The following DNAJC13 variants were observed in gnomAD, a reference collection of about 807,000 sequenced individuals.
DNAJC13 encodes dnaJ homolog subfamily C member 13.
Under a neutral mutation model 290.5 loss-of-function variants are expected in DNAJC13, and 75 were observed. That is an observed-to-expected ratio of 0.26 (90% CI 0.21 to 0.31). The LOEUF (loss-of-function observed/expected upper bound fraction) is 0.31. Among genes scored for constraint, DNAJC13 ranks in the 10% least tolerant of loss-of-function variants. The pLI, the probability that DNAJC13 is intolerant of heterozygous loss-of-function variation, is 1.00. For synonymous variants in DNAJC13, 862 were observed against 892.0 expected (o/e 0.97, Z 0.60); for missense variants, 2,260 against 2,674.5 (o/e 0.85, Z 3.42).
intron 30 of DNAJC13, among the ~76,000 whole-genome samples, chr3:132,488,708 G>A (rs1247178730): frequency 2.0e-5 from 3 of 151,870 alleles, no homozygotes; most frequent in Admixed American, 6.6e-5. Flanking sequence ...TATTCATATT[G>A]TACATGCAGT....
intron 48 of DNAJC13, among the ~76,000 whole-genome samples, chr3:132,519,295 T>G (rs1328075228): frequency 6.6e-6 from 1 of 152,226 alleles, no homozygotes; most frequent in East Asian, 1.9e-4. Flanking sequence ...TTGTTATATC[T>G]TTTATTACAA....
At chr3:132,536,125 ATAATT>A (rs1936583357) in intron 55 of DNAJC13, among the ~76,000 whole-genome samples, 1 of 152,210 alleles carries the variant, frequency 6.6e-6, no homozygotes, top group African/African-American at 2.4e-5. Context: ...GAAATACCTA[ATAATT>A]TAGTTTATGA....
In DNAJC13 at chr3:132,463,709, A is replaced by G. The variant is rs760606308; in HGVS notation, c.1784A>G (p.Glu595Gly). The stretch of plus-strand genomic sequence containing the variant: ...CTTTTTCCAAAGGAAGGTGATAAAG[A>G]AATTGCTACAAAAATGCAGGAGCTT... ...MKAIIEEGDK[E>G]IATKMQELAL... The change falls in exon 17 of 56, where the codon GAA (glutamate) becomes GGA (glycine). Residue 595 changes from glutamate to glycine, a missense_variant. By Grantham distance (98) the Glu-to-Gly change is moderately conservative. This residue lies in a region of DNAJC13 where 762 missense variants were observed against 964.1 expected (regional missense o/e 0.79). Coordinates refer to ENST00000260818, the MANE Select transcript of DNAJC13 (RefSeq NM_015268.4). 2.0e-5 allele frequency: 33 copies of G among 1,613,028 alleles called. No individual in the cohort carries two copies. In the South Asian group the frequency reaches 3.4e-4, roughly 17 times the overall value.
chr3:132,526,571 G>A (rs1039536912), intron 53 of DNAJC13, among the ~76,000 whole-genome samples: 1 of 152,176 alleles, frequency 6.6e-6, no homozygotes, highest in African/African-American at 2.4e-5. Flanking sequence ...CTTTTATGGT[G>A]TATAAAATTT....
At chr3:132,446,005 A>C (rs998806288) in intron 2 of DNAJC13, among the ~76,000 whole-genome samples, 6 of 152,108 alleles carry the variant, frequency 3.9e-5, no homozygotes, top group African/African-American at 1.2e-4. Flanking sequence ...GTAGTTGCTT[A>C]AGTAGAAACT....
chr3:132,503,135 A>G (rs1194375476), intron 40 of DNAJC13, 79 bp from the exon 41 acceptor site: 2 of 1,438,576 alleles, frequency 1.4e-6, no homozygotes, highest in East Asian at 2.4e-5. Flanking sequence ...TGTTCCATAT[A>G]GTGTGATTCT....
intron 1 of DNAJC13, among the ~76,000 whole-genome samples, chr3:132,419,076 T>G (rs1051973724): frequency 6.6e-6 from 1 of 152,248 alleles, no homozygotes; most frequent in African/African-American, 2.4e-5. Context: ...TATCTCAGAC[T>G]TGGCTTGTGC....
At chr3:132,427,073 A>ATGTG in intron 1 of DNAJC13, among the ~76,000 whole-genome samples, 1 of 114,652 alleles carries the variant, frequency 8.7e-6, no homozygotes, top group East Asian at 2.2e-4. Flanking sequence ...TTATATATAC[A>ATGTG]TATGTGTGTG....
intron 20 of DNAJC13, among the ~76,000 whole-genome samples, chr3:132,467,653 G>C (rs539496421): frequency 1.3e-5 from 2 of 152,170 alleles, no homozygotes; most frequent in South Asian, 4.1e-4. Context: ...TTTTAGTAGA[G>C]ATGGGGTTTC....
intron 55 of DNAJC13, among the ~76,000 whole-genome samples, chr3:132,531,721 C>T (rs1053329974): frequency 2.0e-5 from 3 of 151,538 alleles, no homozygotes; most frequent in Non-Finnish European, 4.4e-5. Flanking sequence ...GGTGGGAACC[C>T]GGGAGGCAGA....
chr3:132,440,494 C>T (rs1339067279), intron 2 of DNAJC13, among the ~76,000 whole-genome samples: 2 of 152,222 alleles, frequency 1.3e-5, no homozygotes, highest in African/African-American at 2.4e-5. Context: ...TCATGTACTA[C>T]ATAACATTTC....
intron 9 of DNAJC13, among the ~76,000 whole-genome samples, chr3:132,455,195 T>C (rs1333346634): frequency 6.6e-6 from 1 of 151,810 alleles, no homozygotes; most frequent in Non-Finnish European, 1.5e-5. Flanking sequence ...AGCGACCCAA[T>C]AGTAAATGGG....
At chr3:132,489,077 T>C in intron 31 of DNAJC13, 56 bp downstream of exon 31, 1 of 1,408,766 alleles carries the variant, frequency 7.1e-7, no homozygotes, top group East Asian at 2.3e-5. Context: ...TTTGGCACTA[T>C]AAAGTTTCCT....
intron 2 of DNAJC13, among the ~76,000 whole-genome samples, chr3:132,435,491 C>A (rs543064647): frequency 2.0e-5 from 3 of 152,290 alleles, no homozygotes; most frequent in African/African-American, 7.2e-5. Context: ...TACATCTGAG[C>A]TGTCTAGTAT....
At position 132,471,370 on chromosome 3, in the gene DNAJC13, G is replaced by A. The variant is rs545016822; in HGVS notation, c.2209-1775G>A. On this transcript the variant is annotated intron_variant, in intron 20 of 55. Transcript: ENST00000260818. ...ACCCCCCCCCACCTCCCTCCCGGAC[G>A]GGGTGGCTGCCGGGCGGAGATGCTC... Among the ~76,000 whole-genome samples, 836 of 147,296 alleles carry A rather than the reference G, an allele frequency of 5.7e-3. 22 individuals carry two copies. Among genetic ancestry groups the A allele is most frequent in the Middle Eastern group, 0.021 (6 of 284 alleles).
Position 132,479,259 on chromosome 3 carries a change from T to C in DNAJC13, c.2742T>C (p.Ile914=). The change falls in exon 25 of 56, where the codon ATT becomes ATC. Residue 914 remains isoleucine (I), a synonymous_variant. Coordinates refer to ENST00000260818, the MANE Select transcript of DNAJC13 (RefSeq NM_015268.4). ...CTDKLERDRL[I]LFLNKLILNK... is the part of the protein sequence containing the mutation. The stretch of plus-strand genomic sequence containing the variant: ...ATAAACTTGAACGAGATAGGTTGAT[T>C]CTCTTCCTTAACAAGTTGATCCTTA... 1 of 1,609,006 alleles carries C rather than the reference T, an allele frequency of 6.2e-7. No homozygotes were observed. Among genetic ancestry groups the C allele is most frequent in the East Asian group, 2.2e-5 (1 of 44,674 alleles).
chr3:132,477,417 A>G (rs1035530919), intron 22 of DNAJC13, among the ~76,000 whole-genome samples: 2 of 152,206 alleles, frequency 1.3e-5, no homozygotes, highest in African/African-American at 4.8e-5. Context: ...CTGGCACATC[A>G]CCAGGGATAG....
At chr3:132,456,429 T>G (rs765162128) in intron 10 of DNAJC13, 28 bp downstream of exon 10, 2 of 1,610,982 alleles carry the variant, frequency 1.2e-6, no homozygotes, top group Non-Finnish European at 8.5e-7. Context: ...TGTAATTACA[T>G]TTCCACTCAT....
At chr3:132,432,598 A>G (rs759437222) in intron 1 of DNAJC13, among the ~76,000 whole-genome samples, 19 of 152,218 alleles carry the variant, frequency 1.2e-4, no homozygotes, top group Non-Finnish European at 2.5e-4. Context: ...CTTTTATTCA[A>G]AATGAAGTAA....
Sources: allele counts gnomAD v4.1 joint callset (sites outside exome capture counted in the v4.1 genomes callset), GRCh38; gene constraint gnomAD v4.1.1; regional missense constraint gnomAD v4.1.1; transcripts MANE v1.5; gene names NCBI Gene and HGNC (gene_info 2026-07-23, HGNC 2026-07-21).